The following FRMD5 variants were observed in gnomAD, a reference collection of about 807,000 sequenced individuals.
The protein encoded by FRMD5 is FERM domain-containing protein 5.
Under a neutral mutation model 69.0 loss-of-function variants are expected in FRMD5, and 20 were observed. The ratio of observed to expected loss-of-function variants is 0.29; its 90% CI spans 0.20 to 0.42. FRMD5 has a LOEUF of 0.42. Among genes scored for constraint, FRMD5 ranks in the 10% least tolerant of loss-of-function variants. The pLI, the probability that FRMD5 is intolerant of heterozygous loss-of-function variation, is 1.00. For synonymous variants in FRMD5, 271 were observed against 260.1 expected (o/e 1.04, Z -0.40); for missense variants, 595 against 708.6 (o/e 0.84, Z 1.82).
intron 1 of FRMD5, among the ~76,000 whole-genome samples, chr15:44,000,759 G>T (rs1890176255): frequency 6.6e-6 from 1 of 151,986 alleles, no homozygotes; most frequent in African/African-American, 2.4e-5. Context: ...TGTACCCTGT[G>T]GTAGTTCTAT....
chr15:43,961,320 C>T (rs1483413609), intron 1 of FRMD5, among the ~76,000 whole-genome samples: 1 of 152,154 alleles, frequency 6.6e-6, no homozygotes, highest in Non-Finnish European at 1.5e-5. Flanking sequence ...TGGAGAAATT[C>T]CTCGACACAT....
intron 1 of FRMD5, among the ~76,000 whole-genome samples, chr15:43,930,800 A>G (rs1047422991): frequency 2.0e-5 from 3 of 152,222 alleles, no homozygotes; most frequent in Admixed American, 2.0e-4. Flanking sequence ...TGTGACACGC[A>G]GGATGTGCAC....
At chr15:44,127,686 C>A (rs923582448) in intron 1 of FRMD5, among the ~76,000 whole-genome samples, 1 of 152,066 alleles carries the variant, frequency 6.6e-6, no homozygotes, top group Admixed American at 6.6e-5. Flanking sequence ...TCAGCCAGGG[C>A]AACATGGCGA....
chr15:43,878,923 TTTTC>T (rs1243641667), intron 13 of FRMD5, among the ~76,000 whole-genome samples: 7 of 148,280 alleles, frequency 4.7e-5, no homozygotes, highest in African/African-American at 1.8e-4. Context: ...TTCTTTTTTT[TTTTC>T]TTTTCTTTTT....
intron 1 of FRMD5, chr15:43,989,019 T>C: frequency 1.2e-6 from 1 of 810,334 alleles, no homozygotes; most frequent in Admixed American, 1.8e-5. Context: ...GCAAGTTAGG[T>C]TTTGTCAAGA....
At chr15:43,930,080 G>GT (rs2089649071) in intron 1 of FRMD5, among the ~76,000 whole-genome samples, 1 of 152,202 alleles carries the variant, frequency 6.6e-6, no homozygotes. Context: ...GAGGGAGGGT[G>GT]TGGGGCACAA....
At chr15:44,051,348 T>C (rs1892657982) in intron 1 of FRMD5, among the ~76,000 whole-genome samples, 1 of 147,374 alleles carries the variant, frequency 6.8e-6, no homozygotes, top group African/African-American at 2.5e-5. Context: ...GACGGGGTTT[T>C]ACCAGGAGTT....
chr15:44,093,705 T>C (rs1173454372), intron 1 of FRMD5, among the ~76,000 whole-genome samples: 1 of 151,932 alleles, frequency 6.6e-6, no homozygotes, highest in Non-Finnish European at 1.5e-5. Context: ...CCAGAGTAGC[T>C]GGGACTACAG....
At chr15:44,035,456 G>GGCC (rs1339796994) in intron 1 of FRMD5, among the ~76,000 whole-genome samples, 1 of 152,168 alleles carries the variant, frequency 6.6e-6, no homozygotes, top group East Asian at 1.9e-4. Flanking sequence ...GACTGGCTGT[G>GGCC]AGTCAAACAC....
In FRMD5 at chr15:44,070,248, G is replaced by A. The variant is rs1390516636; in HGVS notation, c.102+124705C>T. On this transcript the variant is annotated intron_variant, in intron 1 of 13. Coordinates refer to ENST00000417257, the MANE Select transcript of FRMD5 (RefSeq NM_032892.5). ...CTAGCTCTTTGGGAGGCCAAGGTGGGAAGATTGCTTGAGTCTAGGAGTTCA... is the reference window on the plus strand; with the variant it reads ...CTAGCTCTTTGGGAGGCCAAGGTGGAAAGATTGCTTGAGTCTAGGAGTTCA... 2.6e-5 allele frequency among the ~76,000 whole-genome samples: 4 copies of A among 151,958 alleles called. No individual in the cohort carries two copies. In the East Asian group the frequency reaches 7.7e-4, roughly 29 times the overall value.
chr15:44,028,090 C>T (rs144303678), intron 1 of FRMD5, among the ~76,000 whole-genome samples: 5 of 152,130 alleles, frequency 3.3e-5, no homozygotes, highest in South Asian at 2.1e-4. Flanking sequence ...GCATATCACA[C>T]GGAAAAGGAA....
intron 1 of FRMD5, among the ~76,000 whole-genome samples, chr15:43,986,878 T>C (rs1395306922): frequency 1.3e-5 from 2 of 152,110 alleles, no homozygotes; most frequent in Admixed American, 1.3e-4. Flanking sequence ...TCCAACAGCA[T>C]GTGCTCATTT....
intron 1 of FRMD5, among the ~76,000 whole-genome samples, chr15:44,106,930 G>T (rs1322375411): frequency 1.3e-5 from 2 of 152,174 alleles, no homozygotes; most frequent in African/African-American, 4.8e-5. Context: ...TTATGTGGAT[G>T]ATATATGGTA....
At chr15:44,042,343 A>G (rs1273913350) in intron 1 of FRMD5, among the ~76,000 whole-genome samples, 1 of 152,242 alleles carries the variant, frequency 6.6e-6, no homozygotes, top group Non-Finnish European at 1.5e-5. Flanking sequence ...GAATTCTACC[A>G]GAGGTACAAA....
At chr15:43,938,186 G>C (rs1426942296) in intron 1 of FRMD5, among the ~76,000 whole-genome samples, 1 of 146,432 alleles carries the variant, frequency 6.8e-6, no homozygotes, top group Admixed American at 6.9e-5. Flanking sequence ...AGCCGAGATC[G>C]CGCCACTGGC....
chr15:43,885,182 A>C, intron 11 of FRMD5: 1 of 198,924 alleles, frequency 5.0e-6, no homozygotes, highest in Non-Finnish European at 1.0e-5. Flanking sequence ...TTTATTTTTC[A>C]TTTTCTTGGA....
chr15:43,891,290 G>C (rs895674396), intron 8 of FRMD5, among the ~76,000 whole-genome samples: 10 of 152,166 alleles, frequency 6.6e-5, no homozygotes, highest in Admixed American at 3.9e-4. Flanking sequence ...AAACAGAGAG[G>C]GGCAGGAGAG....
At chr15:44,075,023 C>G (rs191283238) in intron 1 of FRMD5, among the ~76,000 whole-genome samples, 1 of 152,276 alleles carries the variant, frequency 6.6e-6, no homozygotes, top group African/African-American at 2.4e-5. Context: ...ATTACAGTGC[C>G]TTTCCCGGTC....
intron 1 of FRMD5, among the ~76,000 whole-genome samples, chr15:43,948,632 G>A (rs1260990978): frequency 2.0e-5 from 3 of 152,128 alleles, no homozygotes; most frequent in Non-Finnish European, 2.9e-5. Context: ...TCCAAAGTAT[G>A]TATAAATACA....
Sources: gnomAD v4.1 joint callset for allele counts (sites outside exome capture counted in the v4.1 genomes callset) on GRCh38, gnomAD v4.1.1 for gene constraint, MANE v1.5 for transcripts, NCBI Gene and HGNC (gene_info 2026-07-23, HGNC 2026-07-21) for gene names.